The following RSBN1 variants were observed in gnomAD, a reference collection of about 807,000 sequenced individuals.
The protein encoded by RSBN1 is round spermatid basic protein 1.
Under a neutral mutation model 74.8 loss-of-function variants are expected in RSBN1, and 23 were observed. The ratio of observed to expected loss-of-function variants is 0.31; its 90% CI spans 0.22 to 0.44. The LOEUF (loss-of-function observed/expected upper bound fraction) is 0.44. Ranked by LOEUF, RSBN1 falls within the 20% of genes least tolerant of loss-of-function variation. RSBN1 has a pLI of 1.00. For synonymous variants in RSBN1, 407 were observed against 379.6 expected, an observed-to-expected ratio of 1.07 and a Z score of -0.84; for missense variants, 808 against 1,020.9, an observed-to-expected ratio of 0.79 and a Z score of 2.84.
chr1:113,768,440 C>CA lies in RSBN1; in HGVS notation c.1659-52dup, dbSNP rs537232862. The CA allele has an allele frequency of 5.5e-4, 775 of 1,414,136 alleles. 2 individuals carry two copies. The highest frequency in any genetic ancestry group is 5.3e-3 in the African/African-American group (362 of 68,526). 87.6% of individuals were successfully genotyped at this position (1,414,136 alleles called of 1,614,324 possible). A position where few individuals can be genotyped will look rare whatever the true frequency, so the allele number is the denominator to read the frequency against. Reference sequence around the variant, plus strand: ...AAGGGTAAGCAAGGAAGAAAGAGACCAAAAAAAAATTAATTAATAGCAGTA... The same window carrying CA: ...AAGGGTAAGCAAGGAAGAAAGAGACCAAAAAAAAAATTAATTAATAGCAGTA... On this transcript the variant is annotated intron_variant, in intron 4 of 6. Transcript: ENST00000261441.
intron 1 of RSBN1, among the ~76,000 whole-genome samples, chr1:113,802,652 T>C (rs1660608398): frequency 6.6e-6 from 1 of 152,118 alleles, no homozygotes; most frequent in African/African-American, 2.4e-5. Context: ...AACTTTCTAG[T>C]ATACTTTCTA....
intron 2 of RSBN1, among the ~76,000 whole-genome samples, chr1:113,790,532 T>C (rs780333545): frequency 3.9e-5 from 6 of 152,112 alleles, no homozygotes; most frequent in Non-Finnish European, 7.4e-5. Context: ...ATAGTATTTA[T>C]GAAGAACAGG....
chr1:113,810,972 G>A (rs767383583), intron 1 of RSBN1, among the ~76,000 whole-genome samples: 6 of 152,054 alleles, frequency 3.9e-5, no homozygotes, highest in Non-Finnish European at 5.9e-5. Context: ...ATATTCTTGA[G>A]GGCTATTGGA....
At chr1:113,774,497 A>AC (rs1302349756) in intron 4 of RSBN1, among the ~76,000 whole-genome samples, 1 of 151,846 alleles carries the variant, frequency 6.6e-6, no homozygotes, top group Non-Finnish European at 1.5e-5. Flanking sequence ...ACACGTTGAA[A>AC]CCCCATCTCT....
chr1:113,767,587 G>T (rs1037205531), intron 5 of RSBN1, among the ~76,000 whole-genome samples: 1 of 152,102 alleles, frequency 6.6e-6, no homozygotes, highest in Non-Finnish European at 1.5e-5. Flanking sequence ...ATTACAAATA[G>T]AACTACCATA....
chr1:113,767,990 G>T (rs1448564771), intron 5 of RSBN1: 3 of 345,444 alleles, frequency 8.7e-6, no homozygotes, highest in Non-Finnish European at 1.6e-5. Flanking sequence ...AGGAATTGTT[G>T]TTCAGTGAGT....
intron 2 of RSBN1, among the ~76,000 whole-genome samples, chr1:113,789,383 GCTCGGGACC>G (rs1660321826): frequency 6.6e-6 from 1 of 152,180 alleles, no homozygotes. Context: ...AAGCTCCTGT[GCTCGGGACC>G]CTTCCAGACC....
chr1:113,769,429 CA>C (rs1273630619), intron 4 of RSBN1, among the ~76,000 whole-genome samples: 1 of 151,962 alleles, frequency 6.6e-6, no homozygotes, highest in Non-Finnish European at 1.5e-5. Flanking sequence ...GTCTTCAAAC[CA>C]ATAATAGGGG....
At chr1:113,810,595 A>G (rs1232455897) in intron 1 of RSBN1, among the ~76,000 whole-genome samples, 2 of 152,188 alleles carry the variant, frequency 1.3e-5, no homozygotes, top group African/African-American at 2.4e-5. Context: ...AATTATTTGC[A>G]ACGAACTACA....
At chr1:113,800,657 G>T (rs1226831965) in intron 1 of RSBN1, among the ~76,000 whole-genome samples, 1 of 152,068 alleles carries the variant, frequency 6.6e-6, no homozygotes, top group Non-Finnish European at 1.5e-5. Context: ...TTGTGACCTA[G>T]ATCTGCCACT....
At chr1:113,793,606 G>A (rs748256427) in intron 2 of RSBN1, among the ~76,000 whole-genome samples, 8 of 151,396 alleles carry the variant, frequency 5.3e-5, no homozygotes, top group Non-Finnish European at 1.2e-4. Flanking sequence ...GCATTAATGG[G>A]TTCAACTTCT....
intron 1 of RSBN1, among the ~76,000 whole-genome samples, chr1:113,803,006 T>A (rs1463751243): frequency 6.6e-6 from 1 of 152,212 alleles, no homozygotes; most frequent in East Asian, 1.9e-4. Context: ...TGCCTATTCA[T>A]GCAACCCTCT....
chr1:113,777,717 T>C lies in RSBN1; in HGVS notation c.1469A>G (p.Tyr490Cys). ...VGAVDEEVGD[Y>C]FPEFLDMLEE... is the part of the protein sequence containing the mutation. ...TAACATATCAAGGAACTCTGGGAAA[T>C]AATCACCAACTTCTTCATCTACTGC... is the stretch of plus-strand genomic sequence containing the variant. Residue 490 changes from tyrosine (Y) to cysteine (C), a missense_variant, in exon 3 of 7, where the codon TAT becomes TGT. Coordinates refer to ENST00000261441, the MANE Select transcript of RSBN1 (RefSeq NM_018364.5). 6.2e-7 allele frequency: 1 copy of C among 1,611,966 alleles called. No homozygotes were observed. The highest frequency in any genetic ancestry group is 8.5e-7 in the Non-Finnish European group (1 of 1,178,556).
intron 2 of RSBN1, among the ~76,000 whole-genome samples, chr1:113,783,863 A>G (rs1557998573): frequency 6.6e-6 from 1 of 152,204 alleles, no homozygotes; most frequent in Non-Finnish European, 1.5e-5. Context: ...CGGGACTGCT[A>G]AACAAGAGAC....
chr1:113,784,611 C>T (rs548678668), intron 2 of RSBN1, among the ~76,000 whole-genome samples: 1 of 152,296 alleles, frequency 6.6e-6, no homozygotes, highest in Admixed American at 6.5e-5. Flanking sequence ...GCACAATTCA[C>T]AACAGAGTTC....
intron 2 of RSBN1, among the ~76,000 whole-genome samples, chr1:113,794,827 T>G (rs549463917): frequency 6.6e-6 from 1 of 152,314 alleles, no homozygotes; most frequent in African/African-American, 2.4e-5. Flanking sequence ...ATTAGTCCTT[T>G]TAAGAACACA....
chr1:113,800,348 AT>A (rs1660556869), intron 1 of RSBN1, among the ~76,000 whole-genome samples: 1 of 152,140 alleles, frequency 6.6e-6, no homozygotes, highest in African/African-American at 2.4e-5. Context: ...TATTTGAGAT[AT>A]TTGAGAATTA....
intron 5 of RSBN1, chr1:113,767,868 C>CAAACAA (rs1659809825): frequency 3.6e-5 from 6 of 167,932 alleles, no homozygotes; most frequent in African/African-American, 1.4e-4. Flanking sequence ...ATAAGCCAGT[C>CAAACAA]ACAAAAAGAT....
Position 113,812,396 on chromosome 1 carries a change from C to CG in RSBN1, c.16dup (p.Arg6ProfsTer37). Reference sequence around the variant, plus strand: ...CGCCCTCCACTTGTCGGCCGTTCTTCGTCCAGAGATGAACATGCCGGAAGC... The same window carrying CG: ...CGCCCTCCACTTGTCGGCCGTTCTTCGGTCCAGAGATGAACATGCCGGAAGC... On this transcript the variant is annotated frameshift_variant, in exon 1 of 7. Transcript: ENST00000261441. LOFTEE classifies it high-confidence loss of function. The CG allele has an allele frequency of 6.3e-7, 1 of 1,599,940 alleles. No individual in the cohort carries two copies. The highest frequency in any genetic ancestry group is 8.5e-7 in the Non-Finnish European group (1 of 1,178,546).
Sources: allele counts gnomAD v4.1 joint callset (sites outside exome capture counted in the v4.1 genomes callset), GRCh38; gene constraint gnomAD v4.1.1; transcripts MANE v1.5; gene names NCBI Gene and HGNC (gene_info 2026-07-23, HGNC 2026-07-21).